The following KHDRBS2 variants were observed in gnomAD, a reference collection of about 807,000 sequenced individuals.
KHDRBS2 encodes KH RNA binding domain containing, signal transduction associated 2, also known as KH domain-containing, RNA-binding, signal transduction-associated protein 2.
A neutral mutation model predicts 44.3 loss-of-function variants in KHDRBS2; 26 were observed. The ratio of observed to expected loss-of-function variants is 0.59; its 90% CI spans 0.43 to 0.81. KHDRBS2 has a LOEUF of 0.81. Ranked by LOEUF, KHDRBS2 falls within the 40% of genes least tolerant of loss-of-function variation. KHDRBS2 has a pLI of 0.00. For missense variants in KHDRBS2, 476 were observed against 433.1 expected (o/e 1.10, Z -0.88); for synonymous variants, 194 against 151.1 (o/e 1.28, Z -2.08).
At chr6:62,231,733 G>A (rs753850024) in intron 1 of KHDRBS2, among the ~76,000 whole-genome samples, 12 of 152,066 alleles carry the variant, frequency 7.9e-5, no homozygotes, top group Admixed American at 2.0e-4. Flanking sequence ...TTCCAAAGAA[G>A]ATCTTTAATA....
intron 3 of KHDRBS2, among the ~76,000 whole-genome samples, chr6:62,019,345 T>C (rs1192286043): frequency 2.0e-5 from 3 of 152,174 alleles, no homozygotes; most frequent in Non-Finnish European, 4.4e-5. Context: ...TTTTGGATTT[T>C]ACCAAGTACT....
At chr6:61,637,074 G>A in the KHDRBS2 span, among the ~76,000 whole-genome samples, 13 of 151,980 alleles carry the variant, frequency 8.6e-5, no homozygotes, top group South Asian at 4.2e-4. Context: ...GGGTACATGT[G>A]CACAATGTGC....
intron 4 of KHDRBS2, among the ~76,000 whole-genome samples, chr6:61,974,886 G>A (rs569728599): frequency 4.0e-4 from 60 of 151,756 alleles, no homozygotes; most frequent in African/African-American, 1.9e-4. Context: ...AGCCGAGATC[G>A]TTCCATTGCA....
chr6:61,588,740 C>T, the KHDRBS2 span, among the ~76,000 whole-genome samples: 1 of 152,090 alleles, frequency 6.6e-6, no homozygotes, highest in East Asian at 1.9e-4. Flanking sequence ...TGCAGTGAGC[C>T]ATGACTGTGC....
the KHDRBS2 span, among the ~76,000 whole-genome samples, chr6:61,581,287 T>C: frequency 6.6e-6 from 1 of 152,164 alleles, no homozygotes; most frequent in Non-Finnish European, 1.5e-5. Flanking sequence ...TTTTCTGTGA[T>C]TTGGTGGTTT....
intron 6 of KHDRBS2, among the ~76,000 whole-genome samples, chr6:61,772,053 A>G (rs561694494): frequency 2.6e-5 from 4 of 152,318 alleles, no homozygotes; most frequent in Admixed American, 6.5e-5. Context: ...GAAACTGAAC[A>G]ACCTGCTCCT....
At chr6:61,954,436 C>CATACATATATACGTATGTATGCATGT (rs1765584169) in intron 4 of KHDRBS2, among the ~76,000 whole-genome samples, 1 of 65,412 alleles carries the variant, frequency 1.5e-5, no homozygotes, top group Admixed American at 2.0e-4. Context: ...TGTATGCATG[C>CATACATATATACGTATGTATGCATGT]ATACATATAT....
chr6:61,576,489 T>A, the KHDRBS2 span, among the ~76,000 whole-genome samples: 4 of 152,178 alleles, frequency 2.6e-5, no homozygotes, highest in African/African-American at 7.2e-5. Context: ...TAGGCTTTTC[T>A]AAGTATAAGA....
At chr6:61,945,112 AGTATAT>A (rs1185578051) in intron 4 of KHDRBS2, among the ~76,000 whole-genome samples, 1 of 48,416 alleles carries the variant, frequency 2.1e-5, no homozygotes, top group African/African-American at 8.2e-5. Context: ...AAAAAAAAAA[AGTATAT>A]ATATATATAT....
the KHDRBS2 span, among the ~76,000 whole-genome samples, chr6:61,547,846 G>A: frequency 6.6e-6 from 1 of 152,076 alleles, no homozygotes; most frequent in East Asian, 1.9e-4. Flanking sequence ...TCCCCAAAAA[G>A]TCCAATTTCT....
chr6:62,000,830 C>A (rs1220345373), intron 3 of KHDRBS2, among the ~76,000 whole-genome samples: 1 of 151,982 alleles, frequency 6.6e-6, no homozygotes, highest in East Asian at 1.9e-4. Context: ...TCAAACAATT[C>A]AAAATTGGAA....
At chr6:61,561,025 T>C in the KHDRBS2 span, among the ~76,000 whole-genome samples, 2 of 152,202 alleles carry the variant, frequency 1.3e-5, no homozygotes, top group African/African-American at 2.4e-5. Flanking sequence ...ACTGCATTCT[T>C]ATCTGTATTA....
intron 4 of KHDRBS2, among the ~76,000 whole-genome samples, chr6:61,946,213 C>A (rs180977067): frequency 2.1e-4 from 32 of 152,340 alleles, no homozygotes; most frequent in Non-Finnish European, 1.6e-4. Flanking sequence ...GTACTACTCT[C>A]TCCTCTTATT....
intron 4 of KHDRBS2, among the ~76,000 whole-genome samples, chr6:61,946,285 A>G (rs1399841610): frequency 6.6e-6 from 1 of 152,190 alleles, no homozygotes; most frequent in African/African-American, 2.4e-5. Flanking sequence ...TATCATAATG[A>G]AAGAATAGCA....
chr6:62,081,664 T>C (rs1228677354), intron 2 of KHDRBS2, among the ~76,000 whole-genome samples: 1 of 152,146 alleles, frequency 6.6e-6, no homozygotes, highest in African/African-American at 2.4e-5. Context: ...AAAGAGTTAT[T>C]CAAACCAGAA....
chr6:61,628,525 C>T, the KHDRBS2 span, among the ~76,000 whole-genome samples: 1 of 152,122 alleles, frequency 6.6e-6, no homozygotes, highest in South Asian at 2.1e-4. Flanking sequence ...TAAATGAATC[C>T]TGTGTTCCAA....
At chr6:61,979,833 C>T (rs956251406) in intron 3 of KHDRBS2, among the ~76,000 whole-genome samples, 2 of 152,018 alleles carry the variant, frequency 1.3e-5, no homozygotes, top group African/African-American at 4.8e-5. Flanking sequence ...TATTCTGGGG[C>T]CAGCTGGTTT....
In KHDRBS2 at chr6:62,248,177, A is replaced by C. The variant is rs548168427; in HGVS notation, c.91+37681T>G. On this transcript the variant is annotated intron_variant, in intron 1 of 8. Coordinates refer to ENST00000281156, the MANE Select transcript of KHDRBS2 (RefSeq NM_152688.4). ...TAAGGTTGTGAGTATTCTAGCTTTC[A>C]ATACCTCTATAATTCCAAAAATAAA... Among the ~76,000 whole-genome samples the C allele has an allele frequency of 1.4e-4, 21 of 151,984 alleles. No homozygotes were observed. The South Asian group carries it at 4.4e-3, about 32-fold the overall frequency.
chr6:62,258,775 T>C (rs908116059), intron 1 of KHDRBS2, among the ~76,000 whole-genome samples: 1 of 151,984 alleles, frequency 6.6e-6, no homozygotes, highest in Admixed American at 6.6e-5. Context: ...CTCTTCTATA[T>C]TTTAGATACG....
Sources: gnomAD v4.1 joint callset for allele counts (sites outside exome capture counted in the v4.1 genomes callset) on GRCh38, gnomAD v4.1.1 for gene constraint, MANE v1.5 for transcripts, NCBI Gene and HGNC (gene_info 2026-07-23, HGNC 2026-07-21) for gene names.